The following SRGAP3 variants were observed in gnomAD, a reference collection of about 807,000 sequenced individuals.
SRGAP3 encodes SLIT-ROBO Rho GTPase activating protein 3.
A neutral mutation model predicts 121.1 loss-of-function variants in SRGAP3; 39 were observed. The ratio of observed to expected loss-of-function variants is 0.32; its 90% confidence interval spans 0.25 to 0.42. The LOEUF is 0.42. Ranked by LOEUF, SRGAP3 falls within the 10% of genes least tolerant of loss-of-function variation. The pLI is 1.00. For synonymous variants in SRGAP3, 601 were observed against 570.0 expected (o/e 1.05, Z -0.77); for missense variants, 1,213 against 1,470.6 (o/e 0.82, Z 2.86).
At chr3:9,245,621 A>G (rs1230692012) in intron 1 of SRGAP3, among the ~76,000 whole-genome samples, 2 of 152,200 alleles carry the variant, frequency 1.3e-5, no homozygotes, top group Non-Finnish European at 2.9e-5. Flanking sequence ...TCAATGCAAC[A>G]TAAGAAAAAA....
At chr3:9,277,071 GAAT>G in intron 3 of SRGAP3, among the ~76,000 whole-genome samples, 1 of 152,178 alleles carries the variant, frequency 6.6e-6, no homozygotes, top group Non-Finnish European at 1.5e-5. Flanking sequence ...ATGGAGATAA[GAAT>G]AATACCTATT....
At chr3:9,348,161 CAAAT>C (rs1355789849) in intron 1 of SRGAP3, among the ~76,000 whole-genome samples, 1 of 152,184 alleles carries the variant, frequency 6.6e-6, no homozygotes, top group African/African-American at 2.4e-5. Context: ...CTATGAATCA[CAAAT>C]AGTTACATTT....
intron 3 of SRGAP3, among the ~76,000 whole-genome samples, chr3:9,095,209 T>G (rs1575066460): frequency 6.6e-6 from 1 of 152,140 alleles, no homozygotes; most frequent in African/African-American, 2.4e-5. Flanking sequence ...ATTCTGTGTA[T>G]GCCAAATATC....
intron 18 of SRGAP3, among the ~76,000 whole-genome samples, chr3:9,005,901 GA>G (rs780524942): frequency 6.6e-6 from 1 of 152,134 alleles, no homozygotes; most frequent in Non-Finnish European, 1.5e-5. Flanking sequence ...TCACTCAGCT[GA>G]ACACTTTAAA....
chr3:9,251,835 C>G (rs1049670390), upstream of SRGAP3, among the ~76,000 whole-genome samples: 1 of 152,170 alleles, frequency 6.6e-6, no homozygotes, highest in Non-Finnish European at 1.5e-5. Context: ...CCTTCTGGCT[C>G]TGCTGTGCAC....
intron 11 of SRGAP3, chr3:9,036,113 T>C (rs1944730101): frequency 6.6e-6 from 1 of 152,256 alleles, no homozygotes; most frequent in Non-Finnish European, 1.5e-5. Flanking sequence ...ATTATGAATT[T>C]GGTCTATTCT....
chr3:9,110,578 C>T (rs1348684253), intron 2 of SRGAP3, among the ~76,000 whole-genome samples: 1 of 152,264 alleles, frequency 6.6e-6, no homozygotes, highest in Admixed American at 6.5e-5. Flanking sequence ...TAAAAGAGGG[C>T]AAGATGGGGC....
chr3:9,277,720 G>A (rs1204156821), intron 3 of SRGAP3, among the ~76,000 whole-genome samples: 1 of 152,012 alleles, frequency 6.6e-6, no homozygotes, highest in Admixed American at 6.6e-5. Flanking sequence ...TGTGAAGGTT[G>A]CAGTGAGTTG....
chr3:9,273,023 G>C (rs1954508453), intron 3 of SRGAP3, among the ~76,000 whole-genome samples: 1 of 152,158 alleles, frequency 6.6e-6, no homozygotes, highest in African/African-American at 2.4e-5. Flanking sequence ...TTTGGCACCA[G>C]GGACGGGTTT....
At chr3:9,287,182 G>T (rs1485040540) in intron 3 of SRGAP3, among the ~76,000 whole-genome samples, 1 of 151,798 alleles carries the variant, frequency 6.6e-6, no homozygotes, top group Non-Finnish European at 1.5e-5. Context: ...AGTAGAGACA[G>T]GGTTTCACCA....
At position 8,987,910 on chromosome 3, in the gene SRGAP3, G is replaced by A. The variant is rs569834779; in HGVS notation, c.2887-1978C>T. Among the ~76,000 whole-genome samples, 4 of 152,194 alleles carry A rather than the reference G, an allele frequency of 2.6e-5. No individual in the cohort carries two copies. In the East Asian group the frequency reaches 7.7e-4, roughly 29 times the overall value. On this transcript the variant is annotated intron_variant, in intron 21 of 21. Coordinates refer to ENST00000383836, the MANE Select transcript of SRGAP3 (RefSeq NM_014850.4). Reference sequence around the variant, plus strand: ...TCATCAACCACTCCGCTTGAAGGAAGCCCCCTATTGACCTCACTACTCTCT... The same window carrying A: ...TCATCAACCACTCCGCTTGAAGGAAACCCCCTATTGACCTCACTACTCTCT...
intron 1 of SRGAP3, among the ~76,000 whole-genome samples, chr3:9,353,227 A>G (rs995667467): frequency 1.3e-5 from 2 of 152,222 alleles, no homozygotes; most frequent in Non-Finnish European, 2.9e-5. Context: ...CGTTCCTCTG[A>G]TATCACACAG....
At chr3:9,051,017 CTTTTTTTT>C (rs71049766) in intron 9 of SRGAP3, among the ~76,000 whole-genome samples, 2 of 81,830 alleles carry the variant, frequency 2.4e-5, no homozygotes, top group African/African-American at 4.2e-5. Context: ...AGCCTCATTG[CTTTTTTTT>C]TTTTTTTTTT....
chr3:9,224,888 CT>C (rs1431642276), intron 1 of SRGAP3, among the ~76,000 whole-genome samples: 4 of 152,088 alleles, frequency 2.6e-5, no homozygotes, highest in Non-Finnish European at 5.9e-5. Flanking sequence ...CAATTTCAGC[CT>C]GAGAACCAAA....
At chr3:9,188,480 C>A (rs184259700) in intron 1 of SRGAP3, among the ~76,000 whole-genome samples, 2 of 152,282 alleles carry the variant, frequency 1.3e-5, no homozygotes, top group East Asian at 3.9e-4. Flanking sequence ...GAGGAAGAGT[C>A]CTGTCTCCAC....
chr3:9,276,592 A>AT (rs1198421257), intron 3 of SRGAP3, among the ~76,000 whole-genome samples: 4 of 151,856 alleles, frequency 2.6e-5, no homozygotes, highest in Non-Finnish European at 4.4e-5. Context: ...CACCTGGCTA[A>AT]TTTTTTGTAT....
At chr3:9,148,446 C>T (rs1414363030) in intron 1 of SRGAP3, among the ~76,000 whole-genome samples, 1 of 152,206 alleles carries the variant, frequency 6.6e-6, no homozygotes, top group Non-Finnish European at 1.5e-5. Context: ...GAACAGTTTA[C>T]TCCCAACCAT....
intron 1 of SRGAP3, among the ~76,000 whole-genome samples, chr3:9,350,579 T>C (rs2648544): frequency 1.8e-4 from 28 of 152,210 alleles, no homozygotes; most frequent in Non-Finnish European, 2.9e-5. Flanking sequence ...GTAACTATGT[T>C]TGAAGAAATA....
chr3:9,275,745 C>T (rs7631172), intron 3 of SRGAP3, among the ~76,000 whole-genome samples: 7,122 of 152,278 alleles, frequency 0.047, 205 homozygotes, highest in South Asian at 0.084. Flanking sequence ...TACCCCATCA[C>T]GTGGAACTGT....
Sources: allele counts gnomAD v4.1 joint callset (sites outside exome capture counted in the v4.1 genomes callset), GRCh38; gene constraint gnomAD v4.1.1; transcripts MANE v1.5; gene names NCBI Gene and HGNC (gene_info 2026-07-23, HGNC 2026-07-21).